The following NHS variants were observed in gnomAD, a reference collection of about 807,000 sequenced individuals.
The protein encoded by NHS is NHS actin remodeling regulator.
A neutral mutation model predicts 72.5 loss-of-function variants in NHS; 5 were observed. That is an observed-to-expected ratio of 0.07 (90% CI 0.04 to 0.14). NHS has a LOEUF of 0.14. Ranked by LOEUF, NHS falls within the 10% of genes least tolerant of loss-of-function variation. The pLI is 1.00. For synonymous variants in NHS, 464 were observed against 547.7 expected, an observed-to-expected ratio of 0.85 and a Z score of 2.13; for missense variants, 1,072 against 1,355.7, an observed-to-expected ratio of 0.79 and a Z score of 3.29.
chrX:17,416,813 T>TGC (rs2064598001), intron 1 of NHS, among the ~76,000 whole-genome samples: 1 of 104,199 alleles, frequency 9.6e-6, no homozygotes, highest in African/African-American at 3.9e-5. Context: ...TGTGTGTGTG[T>TGC]GTGTGTGAGA....
chrX:17,662,112 G>A (rs1295938580), intron 1 of NHS, among the ~76,000 whole-genome samples: 1 of 111,871 alleles, frequency 8.9e-6, no homozygotes, highest in Non-Finnish European at 1.9e-5. Context: ...TTACTTCCAG[G>A]GAACTTTCCT....
chrX:17,644,378 C>T (rs1297633829), intron 1 of NHS, among the ~76,000 whole-genome samples: 1 of 112,189 alleles, frequency 8.9e-6, no homozygotes, highest in African/African-American at 3.2e-5. Flanking sequence ...TCTCACACAC[C>T]TACAGGTCTG....
At chrX:17,534,096 TTG>T (rs59352413) in intron 1 of NHS, among the ~76,000 whole-genome samples, 35 of 104,816 alleles carry the variant, frequency 3.3e-4, no homozygotes, top group East Asian at 6.2e-4. Context: ...TGAAAGGTCA[TTG>T]TGTGTGTGTG....
chrX:17,623,562 T>TC (rs2065784520), intron 1 of NHS, among the ~76,000 whole-genome samples: 2 of 111,329 alleles, frequency 1.8e-5, no homozygotes, highest in African/African-American at 6.5e-5. Context: ...AGTGAAGTGC[T>TC]CGGTCTTCCA....
chrX:17,529,044 T>C (rs1320016425), intron 1 of NHS, among the ~76,000 whole-genome samples: 1 of 110,909 alleles, frequency 9.0e-6, no homozygotes, highest in African/African-American at 3.3e-5. Context: ...CCTTCTTTCT[T>C]TTTTCTTCCT....
At chrX:17,418,321 T>G (rs1368506368) in intron 1 of NHS, among the ~76,000 whole-genome samples, 3 of 111,839 alleles carry the variant, frequency 2.7e-5, no homozygotes, top group African/African-American at 9.7e-5. Context: ...GACGTTTTAC[T>G]ATTGCTTACT....
intron 1 of NHS, among the ~76,000 whole-genome samples, chrX:17,602,351 G>A (rs949823911): frequency 8.9e-6 from 1 of 112,130 alleles, no homozygotes; most frequent in Non-Finnish European, 1.9e-5. Flanking sequence ...GGGAAGAGAT[G>A]AAGAATCACC....
intron 1 of NHS, among the ~76,000 whole-genome samples, chrX:17,477,777 A>G (rs1180577228): frequency 2.7e-5 from 3 of 112,268 alleles, no homozygotes; most frequent in Non-Finnish European, 3.8e-5. Context: ...AACAAATTAT[A>G]AAGTGAGACT....
intron 1 of NHS, among the ~76,000 whole-genome samples, chrX:17,613,884 A>T (rs996625769): frequency 5.3e-5 from 6 of 112,488 alleles, no homozygotes; most frequent in African/African-American, 1.9e-4. Context: ...ACAAAAAATG[A>T]TGCAAAAATA....
chrX:17,534,545 A>T (rs189267201), intron 1 of NHS, among the ~76,000 whole-genome samples: 471 of 109,663 alleles, frequency 4.3e-3, no homozygotes, highest in Non-Finnish European at 7.5e-3. Context: ...TCTAGTTATG[A>T]CTCTAATGAC....
At chrX:17,584,982 ATTTT>A (rs1275042117) in intron 1 of NHS, among the ~76,000 whole-genome samples, 1 of 111,391 alleles carries the variant, frequency 9.0e-6, no homozygotes, top group Non-Finnish European at 1.9e-5. Context: ...AATGCATACA[ATTTT>A]TATTTATTTT....
At chrX:17,506,497 C>T (rs1227518565) in intron 1 of NHS, among the ~76,000 whole-genome samples, 3 of 108,965 alleles carry the variant, frequency 2.8e-5, no homozygotes, top group African/African-American at 1.0e-4. Flanking sequence ...CACCACTGCA[C>T]TCCAGCCTGG....
intron 1 of NHS, among the ~76,000 whole-genome samples, chrX:17,520,447 T>G (rs956764568): frequency 4.5e-5 from 5 of 111,924 alleles, no homozygotes; most frequent in Non-Finnish European, 9.4e-5. Context: ...ATTGCTCACA[T>G]TCTGTTTGGA....
At chrX:17,441,495 T>C (rs941225217) in intron 1 of NHS, among the ~76,000 whole-genome samples, 1 of 112,209 alleles carries the variant, frequency 8.9e-6, no homozygotes, top group African/African-American at 3.2e-5. Flanking sequence ...GTGAGAATGT[T>C]ACTGAATTGT....
At chrX:17,389,007 A>G in intron 1 of NHS, among the ~76,000 whole-genome samples, 1 of 111,675 alleles carries the variant, frequency 9.0e-6, no homozygotes, top group Middle Eastern at 4.6e-3. Context: ...TCACTCTGCC[A>G]GACTTGCTCC....
At chrX:17,469,533 C>T (rs949873332) in intron 1 of NHS, among the ~76,000 whole-genome samples, 2 of 111,869 alleles carry the variant, frequency 1.8e-5, no homozygotes, top group Admixed American at 9.5e-5. Context: ...AGGGGAGAGG[C>T]GAGCTTGTGT....
chrX:17,629,170 G>A (rs985596331), intron 1 of NHS, among the ~76,000 whole-genome samples: 2 of 112,136 alleles, frequency 1.8e-5, no homozygotes, highest in African/African-American at 3.2e-5. Context: ...GTGAGGGGGA[G>A]AGGGAGATTG....
intron 1 of NHS, among the ~76,000 whole-genome samples, chrX:17,568,630 G>A (rs751995831): frequency 1.9e-4 from 18 of 95,812 alleles, no homozygotes; most frequent in Non-Finnish European, 3.5e-4. Flanking sequence ...TAATAGATCA[G>A]TATTCCAGGT....
chrX:17,436,412 G>A (rs1004704014), intron 1 of NHS, among the ~76,000 whole-genome samples: 2 of 110,569 alleles, frequency 1.8e-5, no homozygotes, highest in Non-Finnish European at 3.8e-5. Flanking sequence ...TCTCATGGGG[G>A]CCTCTTGGGC....
Sources: gnomAD v4.1 joint callset for allele counts (sites outside exome capture counted in the v4.1 genomes callset) on GRCh38, gnomAD v4.1.1 for gene constraint, MANE v1.5 for transcripts, NCBI Gene and HGNC (gene_info 2026-07-23, HGNC 2026-07-21) for gene names.